ZNF148: variants seen among roughly 807,000 people sequenced by gnomAD.
The protein encoded by ZNF148 is Beta-Enolase Repressor Factor-1.
Under a neutral mutation model 67.7 loss-of-function variants are expected in ZNF148, and 7 were observed. The ratio of observed to expected loss-of-function variants is 0.10; its 90% CI spans 0.06 to 0.19. The LOEUF (loss-of-function observed/expected upper bound fraction) is 0.19, where lower values mean the gene tolerates loss of function less well. Among genes scored for constraint, ZNF148 ranks in the 10% least tolerant of loss-of-function variants. ZNF148 has a pLI of 1.00. For missense variants in ZNF148, 583 were observed against 947.1 expected, an observed-to-expected ratio of 0.62 and a Z score of 5.05; for synonymous variants, 333 against 330.7, an observed-to-expected ratio of 1.01 and a Z score of -0.08.
intron 7 of ZNF148, among the ~76,000 whole-genome samples, chr3:125,252,399 C>T (rs1237309100): frequency 1.3e-5 from 2 of 151,834 alleles, no homozygotes; most frequent in Non-Finnish European, 2.9e-5. Flanking sequence ...GTATTTAGAT[C>T]TACAATTCAT....
intron 3 of ZNF148, among the ~76,000 whole-genome samples, chr3:125,315,284 T>G (rs1940431104): frequency 6.6e-6 from 1 of 152,134 alleles, no homozygotes; most frequent in Non-Finnish European, 1.5e-5. Context: ...TCCATATCCT[T>G]AATATATTAA....
rs1464618488 is a variant in ZNF148, at chr3:125,358,849, T to G, written c.-234+16253A>C. Among the ~76,000 whole-genome samples the G allele has an allele frequency of 3.3e-5, 5 of 152,304 alleles. No homozygotes were observed. The East Asian group carries it at 7.7e-4, about 23-fold the overall frequency. ...CTCTTGGATATTGGCTCTTCTCAAT[T>G]TTACAGGGAAAACTTCTCCATGCCA... On this transcript the variant is annotated intron_variant, in intron 1 of 8. Transcript: ENST00000360647.
At chr3:125,323,189 C>T (rs1940859503) in intron 3 of ZNF148, 120 bp downstream of exon 3, 4 of 392,268 alleles carry the variant, frequency 1.0e-5, no homozygotes, top group Non-Finnish European at 1.8e-5. Flanking sequence ...AATATAAATA[C>T]CAAAACTTTA....
intron 1 of ZNF148, among the ~76,000 whole-genome samples, chr3:125,339,179 G>A (rs1168040459): frequency 1.3e-5 from 2 of 152,096 alleles, no homozygotes; most frequent in African/African-American, 4.8e-5. Context: ...TCCCCAGCCA[G>A]AAACACTAGC....
At position 125,375,325 on chromosome 3, in the gene ZNF148, T is replaced by C. The variant is rs1943037515; in HGVS notation, c.-457A>G. ...TCCCAGAGCAGTAGAGACGCAGACA[T>C]GCCGCAGCTAGAGCGCCGCCGCGGT... On this transcript the variant is annotated 5_prime_UTR_variant, in exon 1 of 9. It removes an upstream start codon present in the reference 5' UTR. Transcript: ENST00000360647. The C allele has an allele frequency of 6.5e-6, 1 of 152,748 alleles. No homozygotes were observed. Among genetic ancestry groups the C allele is most frequent in the East Asian group, 1.9e-4 (1 of 5,174 alleles). 9.5% of individuals were successfully genotyped at this position (152,748 alleles called of 1,614,324 possible).
At chr3:125,343,964 G>A (rs1404743694) in intron 1 of ZNF148, 1 of 163,874 alleles carries the variant, frequency 6.1e-6, no homozygotes, top group Non-Finnish European at 1.3e-5. Flanking sequence ...TTTAGATTTG[G>A]TACAATTATA....
At chr3:125,264,370 T>A (rs74784867) in intron 7 of ZNF148, among the ~76,000 whole-genome samples, 8,035 of 152,288 alleles carry the variant, frequency 0.053, 310 homozygotes, top group Middle Eastern at 0.088. Flanking sequence ...AGTGTCAGCA[T>A]TTAATTAAAC....
chr3:125,370,404 T>G (rs886746356), intron 1 of ZNF148, among the ~76,000 whole-genome samples: 2 of 152,222 alleles, frequency 1.3e-5, no homozygotes, highest in Non-Finnish European at 2.9e-5. Flanking sequence ...GAACACTACT[T>G]TCTATCAGTC....
chr3:125,326,807 T>C (rs1941045953), intron 2 of ZNF148, among the ~76,000 whole-genome samples: 1 of 147,438 alleles, frequency 6.8e-6, no homozygotes, highest in Non-Finnish European at 1.5e-5. Context: ...TCTTTTTATA[T>C]ATGTAAAGAT....
At chr3:125,329,766 G>A (rs939389952) in intron 2 of ZNF148, among the ~76,000 whole-genome samples, 3 of 151,494 alleles carry the variant, frequency 2.0e-5, no homozygotes, top group Non-Finnish European at 4.4e-5. Flanking sequence ...TGACTAATTA[G>A]ACAAATTATG....
intron 7 of ZNF148, among the ~76,000 whole-genome samples, chr3:125,256,093 G>A (rs976153121): frequency 2.0e-5 from 3 of 151,900 alleles, no homozygotes; most frequent in South Asian, 2.1e-4. Flanking sequence ...AAAAAAAATC[G>A]GCGGGGCGCA....
At chr3:125,372,475 T>C (rs1942921589) in intron 1 of ZNF148, among the ~76,000 whole-genome samples, 1 of 152,232 alleles carries the variant, frequency 6.6e-6, no homozygotes, top group East Asian at 1.9e-4. Flanking sequence ...CATAAACATC[T>C]TCTGACTCCG....
intron 1 of ZNF148, among the ~76,000 whole-genome samples, chr3:125,361,295 A>C (rs1421500054): frequency 6.6e-6 from 1 of 152,056 alleles, no homozygotes; most frequent in Non-Finnish European, 1.5e-5. Context: ...ATCACTAAAA[A>C]ATCGCTTGGG....
chr3:125,289,043 T>C (rs1938864494), intron 4 of ZNF148, among the ~76,000 whole-genome samples: 1 of 152,228 alleles, frequency 6.6e-6, no homozygotes, highest in African/African-American at 2.4e-5. Context: ...CTCATCAGAT[T>C]TGATGGTGTT....
intron 7 of ZNF148, among the ~76,000 whole-genome samples, chr3:125,243,877 G>A (rs578161679): frequency 1.3e-5 from 2 of 152,146 alleles, no homozygotes; most frequent in South Asian, 2.1e-4. Flanking sequence ...TATTTTTCCT[G>A]AGAAAAATAA....
intron 1 of ZNF148, among the ~76,000 whole-genome samples, chr3:125,353,719 T>C (rs962231537): frequency 1.3e-5 from 2 of 151,868 alleles, no homozygotes; most frequent in Non-Finnish European, 1.5e-5. Context: ...TCTCCCATAG[T>C]GTAGGGATTA....
At chr3:125,324,396 T>C (rs747214354) in intron 2 of ZNF148, among the ~76,000 whole-genome samples, 4 of 152,106 alleles carry the variant, frequency 2.6e-5, no homozygotes, top group South Asian at 2.1e-4. Flanking sequence ...ATCAGCAAGA[T>C]TCCCAGCAAG....
intron 1 of ZNF148, among the ~76,000 whole-genome samples, chr3:125,368,940 A>C (rs991994568): frequency 9.9e-6 from 1 of 100,768 alleles, no homozygotes; most frequent in African/African-American, 4.4e-5. Flanking sequence ...GAGAGGCTCC[A>C]TCTCAAAAAA....
rs1478280626 is a variant in ZNF148, at chr3:125,230,284, G to A, written c.*2057C>T. ...AGAGAAAAATACCAATGCCTATTTA[G>A]GGTGAGCACAGTTCCATTTTTAACG... On this transcript the variant is annotated 3_prime_UTR_variant, in exon 9 of 9. Transcript: ENST00000360647. The A allele has an allele frequency of 1.3e-5, 2 of 152,616 alleles. No homozygotes were observed. The highest frequency in any genetic ancestry group is 2.1e-4 in the South Asian group (1 of 4,820). 9.5% of individuals were successfully genotyped at this position (152,616 alleles called of 1,614,324 possible). A position where few individuals can be genotyped will look rare whatever the true frequency, so the allele number is the denominator to read the frequency against.
Sources: gnomAD v4.1 joint callset for allele counts (sites outside exome capture counted in the v4.1 genomes callset) on GRCh38, gnomAD v4.1.1 for gene constraint, MANE v1.5 for transcripts, NCBI Gene and HGNC (gene_info 2026-07-23, HGNC 2026-07-21) for gene names.